STON2: variants seen among roughly 807,000 people sequenced by gnomAD.
The protein encoded by STON2 is stonin-2.
A neutral mutation model predicts 65.7 loss-of-function variants in STON2; 29 were observed. The ratio of observed to expected loss-of-function variants is 0.44; its 90% CI spans 0.33 to 0.60. The LOEUF (loss-of-function observed/expected upper bound fraction) is 0.60. Ranked by LOEUF, STON2 falls within the 20% of genes least tolerant of loss-of-function variation. The pLI, the probability that STON2 is intolerant of heterozygous loss-of-function variation, is 0.03. For synonymous variants in STON2, 404 were observed against 414.2 expected, an observed-to-expected ratio of 0.98 and a Z score of 0.30; for missense variants, 1,054 against 1,118.1, an observed-to-expected ratio of 0.94 and a Z score of 0.82.
At chr14:81,351,450 C>A (rs1898021938) in intron 4 of STON2, among the ~76,000 whole-genome samples, 1 of 152,038 alleles carries the variant, frequency 6.6e-6, no homozygotes, top group Non-Finnish European at 1.5e-5. Context: ...CCCTAGAGAA[C>A]CTGCTTGGGA....
intron 5 of STON2, among the ~76,000 whole-genome samples, chr14:81,297,635 C>T (rs10150105): frequency 4.6e-5 from 7 of 152,164 alleles, no homozygotes; most frequent in African/African-American, 1.4e-4. Context: ...TTCATTATTA[C>T]TGGTAAAAAA....
intron 3 of STON2, among the ~76,000 whole-genome samples, chr14:81,384,490 C>T (rs1200710280): frequency 2.1e-5 from 3 of 143,146 alleles, no homozygotes; most frequent in Non-Finnish European, 4.8e-5. Flanking sequence ...CCCGCCTCAG[C>T]CTACCAAAGT....
At chr14:81,357,709 T>C (rs1343934000) in intron 4 of STON2, among the ~76,000 whole-genome samples, 1 of 152,052 alleles carries the variant, frequency 6.6e-6, no homozygotes, top group African/African-American at 2.4e-5. Context: ...TACGCAGCCA[T>C]AAAAAATGAT....
chr14:81,304,664 G>A (rs1032633188), intron 5 of STON2, among the ~76,000 whole-genome samples: 3 of 152,154 alleles, frequency 2.0e-5, no homozygotes, highest in Non-Finnish European at 4.4e-5. Flanking sequence ...GGAGGCGGGG[G>A]TTGCAGTGAG....
chr14:81,270,644 A>G, intron 7 of STON2, 26 bp downstream of exon 7: 1 of 1,614,180 alleles, frequency 6.2e-7, no homozygotes, highest in Non-Finnish European at 8.5e-7. Flanking sequence ...AGTTGGAAGC[A>G]TTAGCCAGAT....
Position 81,267,030 on chromosome 14 carries a change from T to C in STON2, c.*1384A>G. On this transcript the variant is annotated 3_prime_UTR_variant, in exon 8 of 8. Transcript: ENST00000614646. ...CTCCAATGATTGTTCATTGAATACA[T>C]TAATCTTGAATCCATCAGCCAAAAA... 1.0e-6 allele frequency: 1 copy of C among 985,450 alleles called. No homozygotes were observed. The highest frequency in any genetic ancestry group is 1.2e-6 in the Non-Finnish European group (1 of 829,902). 61.0% of individuals were successfully genotyped at this position (985,450 alleles called of 1,614,324 possible).
chr14:81,399,631 T>G (rs1348515139), intron 1 of STON2, among the ~76,000 whole-genome samples: 3 of 152,242 alleles, frequency 2.0e-5, no homozygotes, highest in Non-Finnish European at 4.4e-5. Flanking sequence ...TAAAAACAAC[T>G]AATGTTTATA....
chr14:81,353,326 G>A (rs923897551), intron 4 of STON2, among the ~76,000 whole-genome samples: 2 of 152,174 alleles, frequency 1.3e-5, no homozygotes, highest in South Asian at 4.1e-4. Flanking sequence ...TGGAGAAAAG[G>A]TTTGGAAATG....
chr14:81,367,330 C>T (rs1038289096), intron 4 of STON2, among the ~76,000 whole-genome samples: 3 of 152,138 alleles, frequency 2.0e-5, no homozygotes, highest in Non-Finnish European at 4.4e-5. Context: ...AGGCGCGCCA[C>T]TATGCCCAGC....
At chr14:81,276,530 G>A (rs890988971) in intron 6 of STON2, among the ~76,000 whole-genome samples, 1 of 152,216 alleles carries the variant, frequency 6.6e-6, no homozygotes, top group Non-Finnish European at 1.5e-5. Context: ...GGCAGTGTGA[G>A]AAAGATGTCT....
rs773506056 is a variant in STON2 at position 81,270,520 on chromosome 14, C to G, written c.2784+150G>C. On this transcript the variant is annotated intron_variant, in intron 7 of 7. Coordinates refer to ENST00000614646, the MANE Select transcript of STON2 (RefSeq NM_001394390.1). The stretch of plus-strand genomic sequence containing the variant: ...TTATGCATTTAAATCAGAGCAGACG[C>G]ACCCACAGCTATGTATGGTGAACTT... 6.4e-6 allele frequency: 10 copies of G among 1,550,894 alleles called. No homozygotes were observed. In the East Asian group the frequency reaches 2.3e-4, roughly 35 times the overall value.
At chr14:81,299,473 T>C (rs1895888907) in intron 5 of STON2, among the ~76,000 whole-genome samples, 1 of 152,140 alleles carries the variant, frequency 6.6e-6, no homozygotes, top group South Asian at 2.1e-4. Flanking sequence ...ATGGAGTCCT[T>C]AGGCATTGCA....
intron 3 of STON2, among the ~76,000 whole-genome samples, chr14:81,383,953 C>T (rs1426025392): frequency 3.3e-5 from 5 of 152,298 alleles, no homozygotes; most frequent in South Asian, 2.1e-4. Flanking sequence ...TGCCTCACCT[C>T]CTTGTCTTCT....
intron 5 of STON2, among the ~76,000 whole-genome samples, chr14:81,322,448 C>T (rs1896854565): frequency 6.6e-6 from 1 of 152,168 alleles, no homozygotes; most frequent in African/African-American, 2.4e-5. Flanking sequence ...CTCACTTGGC[C>T]TCCAAATAAG....
rs1004306984 is a variant in STON2 at position 81,300,940 on chromosome 14, T to C, written c.743-22201A>G. ...TGGAAACACCCCAAATGCCTATCAA[T>C]AGGAGAATGAATAAGCAAAGAGTAT... is the stretch of plus-strand genomic sequence containing the variant. On this transcript the variant is annotated intron_variant, in intron 5 of 7. Coordinates refer to ENST00000614646, the MANE Select transcript of STON2 (RefSeq NM_001394390.1). Among the ~76,000 whole-genome samples the C allele has an allele frequency of 3.3e-4, 50 of 152,164 alleles. 1 individual carries two copies. The highest frequency in any genetic ancestry group is 1.2e-4 in the Non-Finnish European group (8 of 68,026).
chr14:81,307,631 T>C (rs76799109), intron 5 of STON2, among the ~76,000 whole-genome samples: 2,540 of 152,286 alleles, frequency 0.017, 69 homozygotes, highest in African/African-American at 0.051. Flanking sequence ...GGTCTGCTTA[T>C]ATGCAAATTT....
At chr14:81,294,174 T>C (rs1895672003) in intron 5 of STON2, among the ~76,000 whole-genome samples, 1 of 152,214 alleles carries the variant, frequency 6.6e-6, no homozygotes, top group African/African-American at 2.4e-5. Context: ...CTTGTCTAAC[T>C]ATTGAGCAAA....
intron 2 of STON2, among the ~76,000 whole-genome samples, chr14:81,425,292 G>A (rs759969402): frequency 5.3e-5 from 8 of 152,204 alleles, no homozygotes; most frequent in Non-Finnish European, 1.0e-4. Context: ...AGAGAAGACT[G>A]AGCTTGGTGG....
intron 5 of STON2, among the ~76,000 whole-genome samples, chr14:81,302,700 G>C (rs1231006165): frequency 1.3e-5 from 2 of 152,190 alleles, no homozygotes; most frequent in African/African-American, 4.8e-5. Flanking sequence ...TCTCCACAAG[G>C]AATACAGCAT....
Sources: gnomAD v4.1 joint callset for allele counts (sites outside exome capture counted in the v4.1 genomes callset) on GRCh38, gnomAD v4.1.1 for gene constraint, MANE v1.5 for transcripts, NCBI Gene and HGNC (gene_info 2026-07-23, HGNC 2026-07-21) for gene names.